Variants in TENM2 observed in about 807,000 individuals in gnomAD.
TENM2 encodes teneurin transmembrane protein 2, also known as teneurin-2.
Under a neutral mutation model 245.2 loss-of-function variants are expected in TENM2, and 52 were observed. The ratio of observed to expected loss-of-function variants is 0.21; its 90% CI spans 0.17 to 0.27. The LOEUF (loss-of-function observed/expected upper bound fraction) is 0.27. TENM2 is among the 10% of genes least tolerant of loss of function. The probability of loss-of-function intolerance (pLI) is 1.00; values close to 1 mark genes in which losing one functional copy is unlikely to be tolerated. For missense variants in TENM2, 3,046 were observed against 3,666.8 expected (o/e 0.83, Z 4.37); for synonymous variants, 1,363 against 1,438.9 (o/e 0.95, Z 1.19).
intron 2 of TENM2, among the ~76,000 whole-genome samples, chr5:167,561,113 C>T (rs545953613): frequency 2.1e-4 from 32 of 152,174 alleles, no homozygotes; most frequent in Non-Finnish European, 4.1e-4. Context: ...TTGGTATATT[C>T]ATCCTCTCAA....
intron 12 of TENM2, among the ~76,000 whole-genome samples, chr5:168,152,624 G>C: frequency 6.6e-6 from 1 of 152,098 alleles, no homozygotes; most frequent in East Asian, 1.9e-4. Context: ...TTATTTGCTG[G>C]ACAGCTGTGG....
intron 2 of TENM2, among the ~76,000 whole-genome samples, chr5:167,666,509 A>G (rs1755585770): frequency 6.6e-6 from 1 of 152,208 alleles, no homozygotes; most frequent in South Asian, 2.1e-4. Flanking sequence ...TTACATTATT[A>G]CATGTGCTAA....
At chr5:168,167,941 A>G (rs1053797865) in intron 13 of TENM2, among the ~76,000 whole-genome samples, 15 of 152,224 alleles carry the variant, frequency 9.9e-5, no homozygotes, top group African/African-American at 3.6e-4. Flanking sequence ...TGCTGCTAGC[A>G]TTAACATTAT....
the TENM2 span, among the ~76,000 whole-genome samples, chr5:167,218,482 G>T: frequency 6.6e-6 from 1 of 151,996 alleles, no homozygotes. Context: ...ATTTTAACAT[G>T]CTATCTTGTG....
At chr5:167,570,678 CT>C (rs1187278921) in intron 2 of TENM2, among the ~76,000 whole-genome samples, 5 of 152,170 alleles carry the variant, frequency 3.3e-5, no homozygotes, top group Admixed American at 1.3e-4. Flanking sequence ...TTTCACCGCC[CT>C]TCATGTGTTT....
At chr5:167,894,990 G>GAAGGAAGGAAGGA (rs1421649847) in intron 3 of TENM2, among the ~76,000 whole-genome samples, 1 of 136,584 alleles carries the variant, frequency 7.3e-6, no homozygotes, top group East Asian at 2.3e-4. Context: ...AGGAAGGAAG[G>GAAGGAAGGAAGGA]AGGGAAGGAA....
At chr5:167,952,361 C>T in intron 3 of TENM2, 1 of 588,284 alleles carries the variant, frequency 1.7e-6, no homozygotes, top group Non-Finnish European at 3.0e-6. Flanking sequence ...AAATTAGTTT[C>T]TCATTATTCT....
intron 2 of TENM2, among the ~76,000 whole-genome samples, chr5:167,730,919 A>C (rs539341786): frequency 6.6e-6 from 1 of 152,310 alleles, no homozygotes; most frequent in Non-Finnish European, 1.5e-5. Flanking sequence ...AAGAGTTTCA[A>C]CATAATACTT....
rs77367031 is a variant in TENM2, at chr5:167,466,739, A to G, written c.502+91266A>G. 5.6e-3 allele frequency among the ~76,000 whole-genome samples: 849 copies of G among 152,306 alleles called. 4 individuals carry two copies. The highest frequency in any genetic ancestry group is 0.02 in the African/African-American group (811 of 41,546). On this transcript the variant is annotated intron_variant, in intron 2 of 28. Coordinates refer to ENST00000518659, the Ensembl canonical transcript of TENM2. ...ATCTTTAACTTTGTTTTGTAGGAAC[A>G]TAAATTACTTATTCAAGTAATTTGT...
chr5:167,679,811 G>A (rs1756579352), intron 2 of TENM2, among the ~76,000 whole-genome samples: 2 of 152,124 alleles, frequency 1.3e-5, no homozygotes, highest in African/African-American at 4.8e-5. Context: ...AAGGAAGGCT[G>A]AACCTTCTTG....
chr5:167,400,646 A>G (rs1762312508), intron 2 of TENM2, among the ~76,000 whole-genome samples: 1 of 151,942 alleles, frequency 6.6e-6, no homozygotes, highest in Admixed American at 6.6e-5. Context: ...CAGAGGGAAT[A>G]TAAAGGTACC....
At chr5:167,801,793 A>T (rs1322444392) in intron 2 of TENM2, among the ~76,000 whole-genome samples, 2 of 151,976 alleles carry the variant, frequency 1.3e-5, no homozygotes, top group African/African-American at 4.8e-5. Context: ...TGGCTTAGAG[A>T]ACTGGGTGGG....
the TENM2 span, among the ~76,000 whole-genome samples, chr5:167,134,977 T>G: frequency 6.6e-6 from 1 of 152,244 alleles, no homozygotes; most frequent in African/African-American, 2.4e-5. Flanking sequence ...GGCCTTAGCC[T>G]TATTCATTAA....
chr5:167,901,068 G>A (rs554679261), intron 3 of TENM2, among the ~76,000 whole-genome samples: 7 of 152,010 alleles, frequency 4.6e-5, no homozygotes, highest in South Asian at 2.1e-4. Context: ...CTAAGAACAC[G>A]ACAGAATAAT....
chr5:168,249,453 GGTGTGT>G (rs3084277), intron 27 of TENM2, among the ~76,000 whole-genome samples: 6,000 of 148,870 alleles, frequency 0.04, 156 homozygotes, highest in Non-Finnish European at 0.051. Context: ...GTTCTCTCAA[GGTGTGT>G]GTGTGTGTGT....
intron 5 of TENM2, among the ~76,000 whole-genome samples, chr5:168,008,002 C>A (rs536981245): frequency 3.9e-5 from 6 of 151,974 alleles, no homozygotes; most frequent in Non-Finnish European, 5.9e-5. Context: ...TATTATTGTT[C>A]TTTGTTTTAA....
chr5:167,461,521 G>A, intron 2 of TENM2, among the ~76,000 whole-genome samples: 1 of 152,212 alleles, frequency 6.6e-6, no homozygotes. Flanking sequence ...CAACGTGCTG[G>A]TTACCTCCCG....
chr5:167,705,605 A>G (rs1048615986), intron 2 of TENM2, among the ~76,000 whole-genome samples: 3 of 152,176 alleles, frequency 2.0e-5, no homozygotes. Flanking sequence ...AAGGATTATC[A>G]TAACACTCAA....
At chr5:167,462,396 T>G (rs1426724213) in intron 2 of TENM2, among the ~76,000 whole-genome samples, 3 of 152,142 alleles carry the variant, frequency 2.0e-5, no homozygotes, top group Non-Finnish European at 4.4e-5. Flanking sequence ...CTTTTAGCTC[T>G]TCTGTTCACA....
Sources: gnomAD v4.1 joint callset for allele counts (sites outside exome capture counted in the v4.1 genomes callset) on GRCh38, gnomAD v4.1.1 for gene constraint, MANE v1.5 for transcripts, NCBI Gene and HGNC (gene_info 2026-07-23, HGNC 2026-07-21) for gene names.